Variants in FAR2 observed in about 807,000 individuals in gnomAD.
The protein encoded by FAR2 is fatty acyl-CoA reductase 2.
In FAR2, 19 loss-of-function variants were observed where a neutral mutation model predicts 56.0. That is an observed-to-expected ratio of 0.34 (90% CI 0.24 to 0.50). The LOEUF (loss-of-function observed/expected upper bound fraction) is 0.50, where lower values mean the gene tolerates loss of function less well. FAR2 is among the 20% of genes least tolerant of loss of function. The pLI is 0.98. For synonymous variants in FAR2, 219 were observed against 218.8 expected (o/e 1.00, Z -0.01); for missense variants, 508 against 642.2 (o/e 0.79, Z 2.26).
chr12:29,233,077 C>T (rs145207666), intron 1 of FAR2, among the ~76,000 whole-genome samples: 1 of 152,148 alleles, frequency 6.6e-6, no homozygotes, highest in African/African-American at 2.4e-5. Flanking sequence ...TATCAGTCCC[C>T]TCTTGGCTTC....
At chr12:29,258,954 T>C (rs913360303) in intron 1 of FAR2, among the ~76,000 whole-genome samples, 3 of 152,224 alleles carry the variant, frequency 2.0e-5, no homozygotes, top group Non-Finnish European at 4.4e-5. Flanking sequence ...TTGAATATTA[T>C]CAAGATTTTC....
At chr12:29,167,427 GT>G (rs1949840109) in intron 1 of FAR2, among the ~76,000 whole-genome samples, 1 of 152,140 alleles carries the variant, frequency 6.6e-6, no homozygotes, top group South Asian at 2.1e-4. Context: ...TCTGACCTAC[GT>G]TTTTCTACAA....
Position 29,302,640 on chromosome 12 carries a change from T to C in FAR2, c.546-5018T>C, listed in dbSNP as rs374555633. 2.8e-3 allele frequency among the ~76,000 whole-genome samples: 425 copies of C among 152,278 alleles called. 4 individuals are homozygous for C. The highest frequency in any genetic ancestry group is 9.7e-3 in the African/African-American group (404 of 41,548). On this transcript the variant is annotated intron_variant, in intron 4 of 11. Transcript: ENST00000536681. ...TAATTCTCTATGCAGTAGAGATCCA[T>C]TGAAGGAGGGCCATGTGTGCGCATG...
chr12:29,293,580 T>C, intron 3 of FAR2, 105 bp downstream of exon 3: 1 of 1,104,184 alleles, frequency 9.1e-7, no homozygotes, highest in Non-Finnish European at 1.2e-6. Context: ...AAAAAAGACA[T>C]ACAAAGAAGC....
At chr12:29,186,559 A>C (rs1300757770) in intron 1 of FAR2, among the ~76,000 whole-genome samples, 5 of 152,294 alleles carry the variant, frequency 3.3e-5, no homozygotes, top group African/African-American at 1.2e-4. Context: ...TTTCTGGATG[A>C]GTCACTTGAG....
At chr12:29,246,925 T>TA (rs5797315) in intron 1 of FAR2, among the ~76,000 whole-genome samples, 57,616 of 151,908 alleles carry the variant, frequency 0.38, 11,100 homozygotes, top group African/African-American at 0.44. Context: ...TTATTAGCTT[T>TA]AATTCATCAT....
chr12:29,299,213 C>CAAAAAAAAAAAAAAAAAAAAAAAAAAAA (rs71042981), intron 4 of FAR2, among the ~76,000 whole-genome samples: 5 of 103,570 alleles, frequency 4.8e-5, no homozygotes, highest in African/African-American at 1.5e-4. Context: ...AACTTTGTCT[C>CAAAAAAAAAAAAAAAAAAAAAAAAAAAA]AAAAAAAAAA....
At chr12:29,278,605 C>A (rs1486805405) in intron 2 of FAR2, among the ~76,000 whole-genome samples, 1 of 152,058 alleles carries the variant, frequency 6.6e-6, no homozygotes, top group Admixed American at 6.5e-5. Context: ...GTCTCAGCCT[C>A]CCAAAGTGCT....
chr12:29,248,307 G>A (rs377588418), intron 1 of FAR2, among the ~76,000 whole-genome samples: 1 of 152,052 alleles, frequency 6.6e-6, no homozygotes, highest in South Asian at 2.1e-4. Flanking sequence ...TTAAGCATCG[G>A]CCAGCTTGAG....
chr12:29,250,960 G>C (rs529839510), intron 1 of FAR2, among the ~76,000 whole-genome samples: 1 of 152,154 alleles, frequency 6.6e-6, no homozygotes, highest in Non-Finnish European at 1.5e-5. Flanking sequence ...GGTGGCAGGG[G>C]CCAAGTAGTG....
intron 10 of FAR2, chr12:29,331,655 T>C (rs1427286561): frequency 2.0e-5 from 3 of 152,138 alleles, no homozygotes; most frequent in Non-Finnish European, 4.4e-5. Context: ...TTAGGCCCTT[T>C]ATATGGAGAT....
chr12:29,310,861 A>G (rs1197999177), intron 6 of FAR2, among the ~76,000 whole-genome samples, 167 bp from the exon 7 acceptor site: 3 of 152,198 alleles, frequency 2.0e-5, no homozygotes, highest in Non-Finnish European at 2.9e-5. Flanking sequence ...CTGGGAAGGT[A>G]GGATAGGCTG....
intron 1 of FAR2, among the ~76,000 whole-genome samples, chr12:29,192,428 T>C (rs1172288957): frequency 6.6e-6 from 1 of 152,188 alleles, no homozygotes; most frequent in Admixed American, 6.5e-5. Flanking sequence ...ATTAAGCACC[T>C]CCTGTGTCCT....
intron 1 of FAR2, among the ~76,000 whole-genome samples, chr12:29,258,876 T>C (rs1647091237): frequency 6.6e-6 from 1 of 152,200 alleles, no homozygotes; most frequent in Admixed American, 6.5e-5. Context: ...GCACAGACAC[T>C]GAAAAAAACT....
intron 10 of FAR2, 43 bp downstream of exon 10, chr12:29,321,967 C>G (rs113840337): frequency 6.4e-7 from 1 of 1,566,808 alleles, no homozygotes; most frequent in Non-Finnish European, 8.7e-7. Flanking sequence ...ATGCTACTCA[C>G]TTGGAATTTA....
intron 2 of FAR2, chr12:29,281,555 A>T (rs1948783327): frequency 6.6e-6 from 1 of 152,208 alleles, no homozygotes; most frequent in African/African-American, 2.4e-5. Context: ...GCAAGAGTAA[A>T]GACGGAAACT....
chr12:29,241,811 G>T (rs868523458), intron 1 of FAR2, among the ~76,000 whole-genome samples: 1 of 152,194 alleles, frequency 6.6e-6, no homozygotes. Context: ...TTTCCGAGGA[G>T]GCAGGAGCAC....
chr12:29,275,409 T>C (rs1014905106), intron 2 of FAR2, among the ~76,000 whole-genome samples: 11 of 152,176 alleles, frequency 7.2e-5, no homozygotes, highest in African/African-American at 2.7e-4. Context: ...GCCATCTGGA[T>C]GTGTACGTGC....
chr12:29,159,165 A>G (rs1949757349), intron 1 of FAR2, among the ~76,000 whole-genome samples: 1 of 152,050 alleles, frequency 6.6e-6, no homozygotes, highest in African/African-American at 2.4e-5. Context: ...ATATATCTTT[A>G]TTTTCCCTTC....
Sources: gnomAD v4.1 joint callset for allele counts (sites outside exome capture counted in the v4.1 genomes callset) on GRCh38, gnomAD v4.1.1 for gene constraint, MANE v1.5 for transcripts, NCBI Gene and HGNC (gene_info 2026-07-23, HGNC 2026-07-21) for gene names.